Variants in ASTN2 observed in about 807,000 individuals in gnomAD.
ASTN2 encodes the protein astrotactin-2.
ASTN2 carries 54 observed loss-of-function variants against 139.8 expected under a neutral mutation model. That is an observed-to-expected ratio of 0.39 (90% CI 0.31 to 0.48). ASTN2 has a LOEUF of 0.48. Ranked by LOEUF, ASTN2 falls within the 20% of genes least tolerant of loss-of-function variation. The probability of loss-of-function intolerance (pLI) is 0.95; values close to 1 mark genes in which losing one functional copy is unlikely to be tolerated. For synonymous variants in ASTN2, 756 were observed against 719.5 expected (o/e 1.05, Z -0.81); for missense variants, 1,565 against 1,725.1 (o/e 0.91, Z 1.64).
intron 18 of ASTN2, among the ~76,000 whole-genome samples, chr9:116,619,683 G>A (rs1360193962): frequency 1.4e-5 from 2 of 145,438 alleles, no homozygotes; most frequent in East Asian, 4.1e-4. Flanking sequence ...GCCACCACAC[G>A]GGCTATTTTT....
chr9:116,642,821 T>A (rs1262583930), intron 17 of ASTN2, among the ~76,000 whole-genome samples: 1 of 152,174 alleles, frequency 6.6e-6, no homozygotes, highest in African/African-American at 2.4e-5. Flanking sequence ...TGACCTACAA[T>A]CTTGAAAGAC....
At chr9:117,065,394 A>T (rs536285184) in intron 5 of ASTN2, among the ~76,000 whole-genome samples, 2 of 151,716 alleles carry the variant, frequency 1.3e-5, no homozygotes, top group Non-Finnish European at 2.9e-5. Context: ...TTTTTTCGAG[A>T]CTCAGTATTA....
At chr9:117,032,983 A>T (rs745861836) in intron 6 of ASTN2, among the ~76,000 whole-genome samples, 2 of 152,162 alleles carry the variant, frequency 1.3e-5, no homozygotes, top group Non-Finnish European at 2.9e-5. Context: ...ATTTTGATGC[A>T]ACAATCATAT....
chr9:116,758,976 C>T (rs1194362479), intron 13 of ASTN2, among the ~76,000 whole-genome samples: 1 of 152,172 alleles, frequency 6.6e-6, no homozygotes, highest in Non-Finnish European at 1.5e-5. Flanking sequence ...TCACTGTAAC[C>T]TCAAACTTCT....
intron 20 of ASTN2, among the ~76,000 whole-genome samples, chr9:116,471,485 C>T (rs1848810596): frequency 6.6e-6 from 1 of 152,170 alleles, no homozygotes; most frequent in Admixed American, 6.5e-5. Flanking sequence ...TCAGTCCTGA[C>T]CCAGCCAGGG....
At chr9:117,056,605 A>G (rs947249030) in intron 5 of ASTN2, among the ~76,000 whole-genome samples, 1 of 152,204 alleles carries the variant, frequency 6.6e-6, no homozygotes, top group African/African-American at 2.4e-5. Flanking sequence ...GAGCCACTGA[A>G]GTTTGCTTAA....
chr9:116,867,888 C>T (rs1303603648), intron 10 of ASTN2, among the ~76,000 whole-genome samples: 2 of 152,124 alleles, frequency 1.3e-5, no homozygotes, highest in African/African-American at 4.8e-5. Context: ...CAGACACTGG[C>T]GTTTTCTTAA....
chr9:117,033,560 C>G (rs994924460), intron 6 of ASTN2, among the ~76,000 whole-genome samples: 9 of 152,100 alleles, frequency 5.9e-5, no homozygotes, highest in Non-Finnish European at 1.2e-4. Flanking sequence ...CGTTTCCAAA[C>G]CAAGGCTTCA....
chr9:116,649,988 C>T (rs1342919292), intron 17 of ASTN2, among the ~76,000 whole-genome samples: 1 of 152,228 alleles, frequency 6.6e-6, no homozygotes, highest in African/African-American at 2.4e-5. Flanking sequence ...ATCTACCTGA[C>T]ACTTTCCCTA....
chr9:116,438,033 G>T (rs1035568829), intron 22 of ASTN2, among the ~76,000 whole-genome samples: 9 of 152,082 alleles, frequency 5.9e-5, no homozygotes, highest in African/African-American at 2.2e-4. Flanking sequence ...TTGCCCCATG[G>T]GACCTCAATT....
At chr9:116,917,488 C>T (rs777303675) in intron 10 of ASTN2, among the ~76,000 whole-genome samples, 8 of 152,112 alleles carry the variant, frequency 5.3e-5, no homozygotes, top group South Asian at 2.1e-4. Context: ...AAGCATAGGA[C>T]GTAAAAACTT....
intron 5 of ASTN2, among the ~76,000 whole-genome samples, chr9:117,046,470 T>C (rs1015012241): frequency 6.6e-6 from 1 of 152,214 alleles, no homozygotes; most frequent in African/African-American, 2.4e-5. Context: ...TAGGAGATCA[T>C]AATTACAGCA....
intron 7 of ASTN2, among the ~76,000 whole-genome samples, chr9:116,977,882 A>T (rs1836395749): frequency 6.6e-6 from 1 of 151,582 alleles, no homozygotes; most frequent in Non-Finnish European, 1.5e-5. Context: ...ATGCCCAGGT[A>T]ATTTTTGTAT....
intron 3 of ASTN2, among the ~76,000 whole-genome samples, chr9:117,165,188 G>A (rs760178428): frequency 1.1e-4 from 15 of 139,768 alleles, no homozygotes; most frequent in Non-Finnish European, 1.8e-4. Context: ...TCCCTCTCCC[G>A]CCATTTGCAT....
chr9:116,457,754 A>G lies in ASTN2; in HGVS notation c.3498-15201T>C, dbSNP rs117044992. The stretch of plus-strand genomic sequence containing the variant: ...GAAACCCTCGTATGTTACTGGTGGA[A>G]ATGTAAATTAATACGACCACTATGG... On this transcript the variant is annotated intron_variant, in intron 20 of 22. Coordinates refer to ENST00000313400, the MANE Select transcript of ASTN2 (RefSeq NM_001365068.1). Among the ~76,000 whole-genome samples the G allele has an allele frequency of 0.013, 1,978 of 152,254 alleles. 183 individuals carry two copies. The South Asian group carries it at 0.21, about 16-fold the overall frequency.
At chr9:116,432,580 C>T (rs1847530699) in intron 22 of ASTN2, among the ~76,000 whole-genome samples, 1 of 152,162 alleles carries the variant, frequency 6.6e-6, no homozygotes, top group Non-Finnish European at 1.5e-5. Context: ...TTCCCACCTG[C>T]TTCTTGGACA....
chr9:116,427,714 C>A (rs1472190691), intron 22 of ASTN2, among the ~76,000 whole-genome samples: 1 of 152,210 alleles, frequency 6.6e-6, no homozygotes, highest in African/African-American at 2.4e-5. Context: ...TTATGAGGTG[C>A]CTTTCAAAAA....
intron 18 of ASTN2, 35 bp from the exon 19 acceptor site, chr9:116,618,507 A>C (rs975417601): frequency 4.4e-6 from 7 of 1,580,970 alleles, no homozygotes; most frequent in African/African-American, 1.4e-5. Flanking sequence ...CGTGTTTGGC[A>C]GCCAGCACCA....
chr9:116,689,441 A>C (rs1322021718), intron 16 of ASTN2, among the ~76,000 whole-genome samples: 3 of 152,058 alleles, frequency 2.0e-5, no homozygotes, highest in Non-Finnish European at 4.4e-5. Context: ...CTACTTCTTT[A>C]CTCAGTTTTC....
Sources: allele counts gnomAD v4.1 joint callset (sites outside exome capture counted in the v4.1 genomes callset), GRCh38; gene constraint gnomAD v4.1.1; transcripts MANE v1.5; gene names NCBI Gene and HGNC (gene_info 2026-07-23, HGNC 2026-07-21).